Variants in PEX14 observed in about 807,000 individuals in gnomAD.
The protein encoded by PEX14 is peroxisomal membrane protein PEX14.
PEX14 carries 15 observed loss-of-function variants against 49.5 expected under a neutral mutation model. The ratio of observed to expected loss-of-function variants is 0.30; its 90% CI spans 0.20 to 0.47. The LOEUF (loss-of-function observed/expected upper bound fraction) is 0.47, where lower values mean the gene tolerates loss of function less well. Ranked by LOEUF, PEX14 falls within the 20% of genes least tolerant of loss-of-function variation. The pLI, the probability that PEX14 is intolerant of heterozygous loss-of-function variation, is 1.00. For synonymous variants in PEX14, 210 were observed against 212.7 expected, an observed-to-expected ratio of 0.99 and a Z score of 0.11; for missense variants, 398 against 494.8, an observed-to-expected ratio of 0.80 and a Z score of 1.86.
At chr1:10,603,433 G>A (rs1269478572) in intron 4 of PEX14, among the ~76,000 whole-genome samples, 1 of 152,032 alleles carries the variant, frequency 6.6e-6, no homozygotes, top group Non-Finnish European at 1.5e-5. Flanking sequence ...GCTAGAGTCA[G>A]GGAAGGCTTT....
Position 10,483,582 on chromosome 1 carries a change from TG to T in PEX14, c.36+8583del, listed in dbSNP as rs1437200669. The stretch of plus-strand genomic sequence containing the variant: ...CACCCGCCTCGGCCCCCCAAAGTGC[TG>T]GGATTATAGGCGTGAGCCACTGCGC... On this transcript the variant is annotated intron_variant, in intron 1 of 8. Coordinates refer to ENST00000356607, the MANE Select transcript of PEX14 (RefSeq NM_004565.3). 4.0e-5 allele frequency among the ~76,000 whole-genome samples: 6 copies of T among 151,586 alleles called. No homozygotes were observed. In the South Asian group the frequency reaches 8.3e-4, roughly 21 times the overall value.
chr1:10,607,208 T>C (rs1011359966), intron 4 of PEX14, among the ~76,000 whole-genome samples: 7 of 152,188 alleles, frequency 4.6e-5, no homozygotes, highest in Non-Finnish European at 1.0e-4. Flanking sequence ...CCCAAATTGC[T>C]GTGCGCATCC....
chr1:10,600,578 C>A (rs535112242), intron 4 of PEX14, among the ~76,000 whole-genome samples: 1 of 149,428 alleles, frequency 6.7e-6, no homozygotes. Context: ...ATTAGCCGGG[C>A]GTGGTGGCAC....
chr1:10,585,840 G>A (rs1640468460), intron 3 of PEX14, among the ~76,000 whole-genome samples: 1 of 152,236 alleles, frequency 6.6e-6, no homozygotes, highest in African/African-American at 2.4e-5. Flanking sequence ...AGATTGCGGT[G>A]AGTGGAGATC....
chr1:10,571,369 C>A (rs1255372080), intron 3 of PEX14, among the ~76,000 whole-genome samples: 1 of 95,664 alleles, frequency 1.0e-5, no homozygotes, highest in Admixed American at 1.6e-4. Context: ...TGGTATTTAC[C>A]AGGGGGTGGG....
intron 1 of PEX14, among the ~76,000 whole-genome samples, chr1:10,478,805 G>A (rs1641236572): frequency 6.6e-6 from 1 of 151,520 alleles, no homozygotes; most frequent in African/African-American, 2.4e-5. Flanking sequence ...GAGTGCAGTG[G>A]TGCGATCTCA....
chr1:10,479,123 T>C (rs1641242646), intron 1 of PEX14, among the ~76,000 whole-genome samples: 1 of 151,968 alleles, frequency 6.6e-6, no homozygotes, highest in African/African-American at 2.4e-5. Context: ...ATACCTGTAA[T>C]CTTAGCACTT....
At chr1:10,587,469 G>A (rs1640528689) in intron 3 of PEX14, among the ~76,000 whole-genome samples, 1 of 151,992 alleles carries the variant, frequency 6.6e-6, no homozygotes, top group African/African-American at 2.4e-5. Flanking sequence ...ATAAAATAAC[G>A]AGACAATTTT....
intron 2 of PEX14, among the ~76,000 whole-genome samples, chr1:10,500,754 T>C (rs1022832108): frequency 2.6e-5 from 4 of 152,184 alleles, no homozygotes; most frequent in African/African-American, 9.7e-5. Context: ...TTTGTATTTT[T>C]AGCAAAGACG....
At chr1:10,545,677 G>A (rs560604873) in intron 3 of PEX14, among the ~76,000 whole-genome samples, 13 of 152,270 alleles carry the variant, frequency 8.5e-5, no homozygotes, top group African/African-American at 2.2e-4. Flanking sequence ...ACTTAACTTC[G>A]TGGTACATTG....
intron 3 of PEX14, among the ~76,000 whole-genome samples, chr1:10,586,935 A>G (rs974348025): frequency 3.3e-5 from 5 of 151,794 alleles, no homozygotes; most frequent in Admixed American, 6.6e-5. Flanking sequence ...TGCTTTCCGT[A>G]TTATCCCACA....
At chr1:10,593,846 C>A (rs1475596721) in intron 3 of PEX14, among the ~76,000 whole-genome samples, 1 of 152,206 alleles carries the variant, frequency 6.6e-6, no homozygotes, top group Non-Finnish European at 1.5e-5. Flanking sequence ...GTATTTATGG[C>A]TGTAATATCA....
intron 3 of PEX14, among the ~76,000 whole-genome samples, chr1:10,563,215 C>T (rs980818660): frequency 1.3e-5 from 2 of 150,062 alleles, no homozygotes; most frequent in Admixed American, 1.3e-4. Flanking sequence ...GGCGCCTGGC[C>T]GCTGAATGGT....
At position 10,577,213 on chromosome 1, in the gene PEX14, A is replaced by G. The variant is rs139683149; in HGVS notation, c.170-22025A>G. 9.0e-3 allele frequency among the ~76,000 whole-genome samples: 1,363 copies of G among 151,416 alleles called. 27 individuals carry two copies. Among genetic ancestry groups the G allele is most frequent in the African/African-American group, 0.031 (1,302 of 41,376 alleles). Reference sequence around the variant, plus strand: ...ACAGTTCAAGACCAGCCTGGCCAACATGGCGAAACCCCATCTCTACTAATA... The same window carrying G: ...ACAGTTCAAGACCAGCCTGGCCAACGTGGCGAAACCCCATCTCTACTAATA... On this transcript the variant is annotated intron_variant, in intron 3 of 8. Transcript: ENST00000356607.
Position 10,476,602 on chromosome 1 carries a change from C to T in PEX14, c.36+1600C>T, listed in dbSNP as rs148417400. Among the ~76,000 whole-genome samples the T allele has an allele frequency of 1.3e-3, 204 of 152,220 alleles. 1 individual carries two copies. Among genetic ancestry groups the T allele is most frequent in the East Asian group, 0.01 (52 of 5,176 alleles). On this transcript the variant is annotated intron_variant, in intron 1 of 8. Coordinates refer to ENST00000356607, the MANE Select transcript of PEX14 (RefSeq NM_004565.3). ...TGCCTCCCGGGTTCGAGCAATTCTC[C>T]TGCCTCAGCCTCCCAAGTAGCTGGG...
chr1:10,576,987 C>T (rs571725276), intron 3 of PEX14, among the ~76,000 whole-genome samples: 6 of 151,836 alleles, frequency 4.0e-5, no homozygotes, highest in Non-Finnish European at 8.8e-5. Flanking sequence ...GGTGGTCCAC[C>T]TGCCTCAGCC....
intron 1 of PEX14, among the ~76,000 whole-genome samples, chr1:10,481,023 T>C (rs991467822): frequency 6.6e-6 from 1 of 151,930 alleles, no homozygotes; most frequent in Non-Finnish European, 1.5e-5. Context: ...ATAAATAGTA[T>C]TATTTAAAAC....
Position 10,563,153 on chromosome 1 carries a change from C to T in PEX14, c.169+26856C>T, listed in dbSNP as rs185314341. 3.7e-3 allele frequency among the ~76,000 whole-genome samples: 546 copies of T among 147,130 alleles called. 2 individuals are homozygous for T. Among genetic ancestry groups the T allele is most frequent in the African/African-American group, 0.012 (498 of 40,018 alleles). On this transcript the variant is annotated intron_variant, in intron 3 of 8. Coordinates refer to ENST00000356607, the MANE Select transcript of PEX14 (RefSeq NM_004565.3). Reference sequence around the variant, plus strand: ...GGCTGGTCTCGAACTCCTGACCTTGCGATCCACTGACCTTGGCCTCCCAAA... The same window carrying T: ...GGCTGGTCTCGAACTCCTGACCTTGTGATCCACTGACCTTGGCCTCCCAAA...
chr1:10,599,191 AC>A (rs772905096), intron 3 of PEX14, 46 bp from the exon 4 acceptor site: 227 of 1,604,474 alleles, frequency 1.4e-4, no homozygotes, highest in Non-Finnish European at 1.9e-4. Flanking sequence ...GCAGCTATGG[AC>A]ACTGACAAAA....
Sources: gnomAD v4.1 joint callset for allele counts (sites outside exome capture counted in the v4.1 genomes callset) on GRCh38, gnomAD v4.1.1 for gene constraint, MANE v1.5 for transcripts, NCBI Gene and HGNC (gene_info 2026-07-23, HGNC 2026-07-21) for gene names.